FCRL2: variants seen among roughly 807,000 people sequenced by gnomAD.
FCRL2 encodes the protein Fc receptor-like protein 2.
FCRL2 carries 48 observed loss-of-function variants against 59.8 expected under a neutral mutation model. That is an observed-to-expected ratio of 0.80 (90% CI 0.64 to 1.02). The LOEUF (loss-of-function observed/expected upper bound fraction) is 1.02. FCRL2 is among the 50% of genes least tolerant of loss of function. FCRL2 has a pLI of 0.00. For missense variants in FCRL2, 658 were observed against 597.3 expected (o/e 1.10, Z -1.06); for synonymous variants, 251 against 229.5 (o/e 1.09, Z -0.85).
At chr1:157,768,916 G>C (rs929598883) in intron 4 of FCRL2, 2 of 510,534 alleles carry the variant, frequency 3.9e-6, no homozygotes, top group African/African-American at 3.8e-5. Flanking sequence ...AATTTCATGG[G>C]TAGTAATATT....
chr1:157,759,317 C>T (rs1648848660), intron 7 of FCRL2, among the ~76,000 whole-genome samples: 1 of 152,112 alleles, frequency 6.6e-6, no homozygotes, highest in African/African-American at 2.4e-5. Context: ...TTCTTTACAG[C>T]ACTGTGAGAA....
rs1557860579 is a variant in FCRL2 at position 157,760,747 on chromosome 1, GA to G, written c.1279+6107del. Among the ~76,000 whole-genome samples, 58 of 145,902 alleles carry G rather than the reference GA, an allele frequency of 4.0e-4. 1 individual carries two copies. Among genetic ancestry groups the G allele is most frequent in the African/African-American group, 1.2e-3 (48 of 38,660 alleles). ...AGAAAGAAAGAAAGAAAGAAAGAAA[GA>G]AAGAAAGAAGAAAGAATGAAAAAAG... On this transcript the variant is annotated intron_variant, in intron 7 of 11. Coordinates refer to ENST00000361516, the MANE Select transcript of FCRL2 (RefSeq NM_030764.4).
At chr1:157,774,936 C>T (rs1650294480) in intron 2 of FCRL2, among the ~76,000 whole-genome samples, 1 of 152,128 alleles carries the variant, frequency 6.6e-6, no homozygotes, top group Non-Finnish European at 1.5e-5. Flanking sequence ...TTTGTCTTGG[C>T]TCATGTGAAG....
At chr1:157,759,967 G>A (rs186988173) in intron 7 of FCRL2, among the ~76,000 whole-genome samples, 84 of 152,134 alleles carry the variant, frequency 5.5e-4, no homozygotes, top group East Asian at 4.4e-3. Flanking sequence ...AATATAAATC[G>A]TTCTACTGTA....
At chr1:157,765,293 C>T (rs1649408651) in intron 7 of FCRL2, among the ~76,000 whole-genome samples, 1 of 152,066 alleles carries the variant, frequency 6.6e-6, no homozygotes, top group South Asian at 2.1e-4. Flanking sequence ...AAGATTGAAC[C>T]ATTAATAATC....
At chr1:157,765,995 T>G (rs1458771656) in intron 7 of FCRL2, among the ~76,000 whole-genome samples, 1 of 152,156 alleles carries the variant, frequency 6.6e-6, no homozygotes, top group East Asian at 1.9e-4. Context: ...GTATATGTGC[T>G]CTAGTTGACT....
intron 7 of FCRL2, among the ~76,000 whole-genome samples, chr1:157,763,288 C>T (rs892703593): frequency 1.1e-4 from 17 of 151,916 alleles, no homozygotes; most frequent in Non-Finnish European, 1.9e-4. Flanking sequence ...TTTGGGAGGC[C>T]GGGGCAGGAG....
intron 7 of FCRL2, among the ~76,000 whole-genome samples, chr1:157,764,867 G>T (rs890515966): frequency 6.6e-6 from 1 of 152,246 alleles, no homozygotes; most frequent in East Asian, 1.9e-4. Flanking sequence ...CAACAAAAAC[G>T]TGGAAAGAAT....
chr1:157,762,972 A>G (rs1649215968), intron 7 of FCRL2, among the ~76,000 whole-genome samples: 1 of 152,242 alleles, frequency 6.6e-6, no homozygotes, highest in Non-Finnish European at 1.5e-5. Context: ...AAAGGACAAT[A>G]CTTACCATCA....
At chr1:157,750,281 A>T (rs567373116) in intron 7 of FCRL2, among the ~76,000 whole-genome samples, 1 of 152,342 alleles carries the variant, frequency 6.6e-6, no homozygotes, top group Admixed American at 6.5e-5. Context: ...GCGATCCAGG[A>T]GATATTTTCT....
rs1038373967 is a variant in FCRL2, at chr1:157,754,972, A to G, written c.1280-5295T>C. 3.3e-5 allele frequency among the ~76,000 whole-genome samples: 5 copies of G among 152,054 alleles called. No homozygotes were observed. In the South Asian group the frequency reaches 1.0e-3, roughly 32 times the overall value. On this transcript the variant is annotated intron_variant, in intron 7 of 11. Transcript: ENST00000361516. ...CAGAGAGAGACTCTGTCTCAAAAAA[A>G]AAAGAAAAGAAAAGAAAAAAAGGAG...
At chr1:157,764,457 A>C (rs570363401) in intron 7 of FCRL2, among the ~76,000 whole-genome samples, 2 of 152,232 alleles carry the variant, frequency 1.3e-5, no homozygotes, top group Non-Finnish European at 2.9e-5. Flanking sequence ...ATTAAACTGT[A>C]CTTTAAACCA....
intron 7 of FCRL2, among the ~76,000 whole-genome samples, chr1:157,762,563 G>A (rs557021974): frequency 2.0e-5 from 3 of 152,304 alleles, no homozygotes; most frequent in South Asian, 4.1e-4. Flanking sequence ...AGTCTAGCAA[G>A]AGATTTGGAC....
At chr1:157,764,029 C>G (rs1358245087) in intron 7 of FCRL2, among the ~76,000 whole-genome samples, 1 of 103,254 alleles carries the variant, frequency 9.7e-6, no homozygotes, top group Non-Finnish European at 1.9e-5. Context: ...GACTTCATCT[C>G]AAAAAAAAAA....
chr1:157,753,642 A>G (rs1199088348), intron 7 of FCRL2, among the ~76,000 whole-genome samples: 1 of 152,230 alleles, frequency 6.6e-6, no homozygotes, highest in Non-Finnish European at 1.5e-5. Flanking sequence ...GTCCCATTAC[A>G]TAGGTATGAT....
At chr1:157,750,630 A>T (rs1280298661) in intron 7 of FCRL2, among the ~76,000 whole-genome samples, 1 of 152,230 alleles carries the variant, frequency 6.6e-6, no homozygotes, top group African/African-American at 2.4e-5. Context: ...TAGAAAATTA[A>T]CTTTGATTTA....
chr1:157,760,735 GAAAGAA>G lies in FCRL2; in HGVS notation c.1279+6114_1279+6119del, dbSNP rs754948122. Among the ~76,000 whole-genome samples the G allele has an allele frequency of 9.8e-3, 1,431 of 145,858 alleles. 72 individuals are homozygous for G. In the East Asian group the frequency reaches 0.11, roughly 11 times the overall value. On this transcript the variant is annotated intron_variant, in intron 7 of 11. Transcript: ENST00000361516. ...AGAAAGAAAGAAAGAAAGAAAGAAA[GAAAGAA>G]AGAAAGAAAGAAAGAAGAAAGAATG... is the stretch of plus-strand genomic sequence containing the variant.
At chr1:157,775,558 A>T (rs1425112237) in intron 2 of FCRL2, among the ~76,000 whole-genome samples, 1 of 152,236 alleles carries the variant, frequency 6.6e-6, no homozygotes, top group Non-Finnish European at 1.5e-5. Context: ...GGAAGAGGCA[A>T]GCATGTGGGG....
chr1:157,753,633 T>C (rs1648365159), intron 7 of FCRL2, among the ~76,000 whole-genome samples: 1 of 152,222 alleles, frequency 6.6e-6, no homozygotes, highest in East Asian at 1.9e-4. Context: ...TTTATAGCGG[T>C]CCCATTACAT....
Sources: allele counts gnomAD v4.1 joint callset (sites outside exome capture counted in the v4.1 genomes callset), GRCh38; gene constraint gnomAD v4.1.1; transcripts MANE v1.5; gene names NCBI Gene and HGNC (gene_info 2026-07-23, HGNC 2026-07-21).